The following FOXN3 variants were observed in gnomAD, a reference collection of about 807,000 sequenced individuals.
FOXN3 encodes forkhead box protein N3.
FOXN3 carries 7 observed loss-of-function variants against 38.4 expected under a neutral mutation model. That is an observed-to-expected ratio of 0.18 (90% CI 0.10 to 0.34). FOXN3 has a LOEUF of 0.34. Ranked by LOEUF, FOXN3 falls within the 10% of genes least tolerant of loss-of-function variation. The pLI is 1.00. For synonymous variants in FOXN3, 230 were observed against 242.2 expected (o/e 0.95, Z 0.47); for missense variants, 456 against 613.4 (o/e 0.74, Z 2.71).
intron 2 of FOXN3, among the ~76,000 whole-genome samples, chr14:89,369,079 G>A (rs1292515389): frequency 6.6e-6 from 1 of 152,156 alleles, no homozygotes; most frequent in Non-Finnish European, 1.5e-5. Flanking sequence ...ATCTTCCTGG[G>A]GGAGGGGAGA....
At chr14:89,267,590 G>A (rs965914786) in intron 4 of FOXN3, among the ~76,000 whole-genome samples, 1 of 152,162 alleles carries the variant, frequency 6.6e-6, no homozygotes, top group Non-Finnish European at 1.5e-5. Flanking sequence ...TCTCAAATCA[G>A]TATAATTTGA....
At position 89,412,084 on chromosome 14, in the gene FOXN3, T is replaced by C. The variant is rs1891558716; in HGVS notation, c.393A>G (p.Pro131=). The part of the protein sequence containing the change: ...CLIFMAIEDS[P]TKRLPVKDIY... Reference sequence around the variant, plus strand: ...TATCCTTCACTGGCAGGCGCTTGGTTGGAGAGTCCTCGATGGCCATAAATA... The same window carrying C: ...TATCCTTCACTGGCAGGCGCTTGGTCGGAGAGTCCTCGATGGCCATAAATA... The change falls in exon 2 of 6, where the codon CCA becomes CCG. Residue 131 remains proline (P), a synonymous_variant. Coordinates refer to ENST00000557258, the MANE Select transcript of FOXN3 (RefSeq NM_005197.4). This position sits in a 1 kb window ranked among gnomAD's most constrained non-coding sequence, Gnocchi z 4.7. 1 of 1,612,976 alleles carries C rather than the reference T, an allele frequency of 6.2e-7. No individual in the cohort carries two copies. Among genetic ancestry groups the C allele is most frequent in the Admixed American group, 1.7e-5 (1 of 59,710 alleles).
intron 1 of FOXN3, among the ~76,000 whole-genome samples, chr14:89,469,666 G>T: frequency 6.6e-6 from 1 of 152,214 alleles, no homozygotes; most frequent in East Asian, 1.9e-4. Flanking sequence ...CCTTGCCCCA[G>T]TGGATGAACG....
chr14:89,207,554 G>T (rs1312143717), intron 4 of FOXN3, among the ~76,000 whole-genome samples: 1 of 152,168 alleles, frequency 6.6e-6, no homozygotes, highest in Admixed American at 6.5e-5. Context: ...CATTACTTGG[G>T]GGTGAAGGAG....
intron 1 of FOXN3, among the ~76,000 whole-genome samples, chr14:89,610,344 A>C (rs935721704): frequency 6.6e-6 from 1 of 152,222 alleles, no homozygotes; most frequent in Non-Finnish European, 1.5e-5. Context: ...ACACGCCCTG[A>C]GAGCAGTCTT....
At chr14:89,487,010 A>G (rs1893459784) in intron 1 of FOXN3, among the ~76,000 whole-genome samples, 3 of 152,214 alleles carry the variant, frequency 2.0e-5, no homozygotes, top group Admixed American at 2.0e-4. Flanking sequence ...ACTTGTCTAC[A>G]TAAAGGAAAA....
At chr14:89,346,817 T>C (rs1888772114) in intron 3 of FOXN3, among the ~76,000 whole-genome samples, 1 of 152,226 alleles carries the variant, frequency 6.6e-6, no homozygotes, top group Non-Finnish European at 1.5e-5. Flanking sequence ...GAATGGGAAT[T>C]GTGTCTCTTC....
chr14:89,312,080 T>C (rs1596174482), intron 3 of FOXN3, among the ~76,000 whole-genome samples: 1 of 148,150 alleles, frequency 6.7e-6, no homozygotes, highest in South Asian at 2.2e-4. Context: ...AGGTCAGGAG[T>C]TTGAGACCAG....
Position 89,616,778 on chromosome 14 carries a change from A to C in FOXN3, c.-15+2250T>G, listed in dbSNP as rs562637240. Among the ~76,000 whole-genome samples, 4 of 152,348 alleles carry C rather than the reference A, an allele frequency of 2.6e-5. No individual in the cohort carries two copies. The East Asian group carries it at 7.7e-4, about 29-fold the overall frequency. On this transcript the variant is annotated intron_variant, in intron 1 of 6. Coordinates refer to the FOXN3 transcript ENST00000345097. ...TACATTGTTCTTAGCCTTCCCTTGCACAGCTCAGAGGTAGCAAAATGCAAA... is the reference window on the plus strand; with the variant it reads ...TACATTGTTCTTAGCCTTCCCTTGCCCAGCTCAGAGGTAGCAAAATGCAAA...
chr14:89,468,431 G>A (rs1893025753), intron 1 of FOXN3, among the ~76,000 whole-genome samples: 1 of 151,918 alleles, frequency 6.6e-6, no homozygotes, highest in African/African-American at 2.4e-5. Context: ...AACATCCTGG[G>A]TGACAGAGGA....
intron 1 of FOXN3, among the ~76,000 whole-genome samples, chr14:89,496,772 T>G (rs1893691684): frequency 1.3e-5 from 2 of 152,114 alleles, no homozygotes; most frequent in South Asian, 4.1e-4. Context: ...TAGCACACAA[T>G]CACTCCCCAT....
chr14:89,415,006 C>A (rs1289905587), intron 1 of FOXN3, among the ~76,000 whole-genome samples: 3 of 152,190 alleles, frequency 2.0e-5, no homozygotes, highest in Non-Finnish European at 4.4e-5. Flanking sequence ...AACAAGCTAG[C>A]ATCTTTTGGC....
At chr14:89,360,789 A>ACCACCACCACCTCCAGCACCACCT (rs1566966504) in intron 2 of FOXN3, among the ~76,000 whole-genome samples, 1 of 60,918 alleles carries the variant, frequency 1.6e-5, no homozygotes, top group Non-Finnish European at 3.2e-5. Flanking sequence ...CACCACCTCC[A>ACCACCACCACCTCCAGCACCACCT]CCACCACCAC....
intron 2 of FOXN3, among the ~76,000 whole-genome samples, chr14:89,363,963 T>TATATATATATATATATATATATA (rs1890014911): frequency 7.4e-5 from 2 of 27,084 alleles, no homozygotes; most frequent in Non-Finnish European, 1.7e-4. Context: ...TATATATATA[T>TATATATATATATATATATATATA]ATATATATAT....
chr14:89,432,869 A>AG (rs907133599), intron 1 of FOXN3, among the ~76,000 whole-genome samples: 4 of 152,088 alleles, frequency 2.6e-5, no homozygotes, highest in Admixed American at 2.6e-4. Context: ...GATGGGGCAG[A>AG]GGGGTCTCAC....
In FOXN3 at chr14:89,570,040, G is replaced by A. The variant is rs190370342; in HGVS notation, c.-15+48988C>T. ...TTTTGAGACGGAGTCTCACTCTGTC[G>A]CTCAGGCTGGAGTGCAGTGGCGCAA... On this transcript the variant is annotated intron_variant, in intron 1 of 6. Transcript: ENST00000345097. Among the ~76,000 whole-genome samples, 740 of 149,624 alleles carry A rather than the reference G, an allele frequency of 4.9e-3. 7 individuals are homozygous for A. The highest frequency in any genetic ancestry group is 6.4e-3 in the Non-Finnish European group (431 of 67,654).
chr14:89,284,564 T>C (rs1318345769), intron 3 of FOXN3: 2 of 455,900 alleles, frequency 4.4e-6, no homozygotes, highest in Admixed American at 2.4e-5. Context: ...TAGGACTCTC[T>C]CCAAGGCAAA....
rs559324506 is a variant in FOXN3, at chr14:89,503,215, G to A, written c.-14-90725C>T. ...CCCATTTTCCTTTAATGTCTGACAC[G>A]TGCTACTGCAAACTCTTTTGCAGAA... On this transcript the variant is annotated intron_variant, in intron 1 of 6. Coordinates refer to the FOXN3 transcript ENST00000345097. Among the ~76,000 whole-genome samples the A allele has an allele frequency of 3.9e-5, 6 of 151,990 alleles. No homozygotes were observed. The South Asian group carries it at 6.2e-4, about 16-fold the overall frequency.
chr14:89,201,041 G>A (rs1383625288), intron 4 of FOXN3, among the ~76,000 whole-genome samples: 1 of 152,160 alleles, frequency 6.6e-6, no homozygotes, highest in Non-Finnish European at 1.5e-5. Context: ...GAAGAGGCAG[G>A]GGGTTTTGAT....
Sources: allele counts gnomAD v4.1 joint callset (sites outside exome capture counted in the v4.1 genomes callset), GRCh38; gene constraint gnomAD v4.1.1; non-coding constraint Gnocchi (gnomAD v3.1); transcripts MANE v1.5; gene names NCBI Gene and HGNC (gene_info 2026-07-23, HGNC 2026-07-21).